EBF2: variants seen among roughly 807,000 people sequenced by gnomAD.
EBF2 encodes the protein EBF transcription factor 2.
Under a neutral mutation model 72.8 loss-of-function variants are expected in EBF2, and 21 were observed. The observed-to-expected ratio is 0.29, with a 90% confidence interval of 0.20 to 0.42. The LOEUF is 0.42. EBF2 is among the 10% of genes least tolerant of loss of function. The pLI is 1.00. For synonymous variants in EBF2, 299 were observed against 274.2 expected (o/e 1.09, Z -0.89); for missense variants, 637 against 731.2 (o/e 0.87, Z 1.49).
intron 6 of EBF2, among the ~76,000 whole-genome samples, chr8:25,987,063 A>G (rs1804473262): frequency 6.6e-6 from 1 of 152,096 alleles, no homozygotes; most frequent in South Asian, 2.1e-4. Context: ...AAAAAAACTG[A>G]TAATTTGCAT....
chr8:26,019,790 A>C (rs1805177478), intron 6 of EBF2, among the ~76,000 whole-genome samples: 1 of 152,034 alleles, frequency 6.6e-6, no homozygotes. Context: ...GCCATCTCCC[A>C]CCCCAAGAGG....
intron 6 of EBF2, among the ~76,000 whole-genome samples, chr8:25,925,470 G>C (rs1405771580): frequency 6.6e-6 from 1 of 151,902 alleles, no homozygotes; most frequent in Non-Finnish European, 1.5e-5. Flanking sequence ...CTTGCAGAGG[G>C]GGCTCCGAGG....
At chr8:25,995,541 A>G (rs1804611204) in intron 6 of EBF2, among the ~76,000 whole-genome samples, 1 of 152,178 alleles carries the variant, frequency 6.6e-6, no homozygotes, top group African/African-American at 2.4e-5. Context: ...TATGTATGCT[A>G]TTTAAAAGAA....
chr8:25,842,092 TACAC>T lies in EBF2; in HGVS notation c.*2513_*2516del, dbSNP rs1801753674. The T allele has an allele frequency of 6.6e-6, 1 of 152,194 alleles. No individual in the cohort carries two copies. The highest frequency in any genetic ancestry group is 2.4e-5 in the African/African-American group (1 of 41,462). The allele number at this position is 152,194 out of a possible 1,614,324, so 9.4% of individuals were successfully genotyped here. A position where few individuals can be genotyped will look rare whatever the true frequency, so the allele number is the denominator to read the frequency against. ...TTGTCCCTTTAAATGAAAAAAATCTTACACAGCTCCTCTTACAAACACAGGATAG... is the reference window on the plus strand; with the variant it reads ...TTGTCCCTTTAAATGAAAAAAATCTTAGCTCCTCTTACAAACACAGGATAG... On this transcript the variant is annotated 3_prime_UTR_variant, in exon 16 of 16. Transcript: ENST00000520164.
At chr8:25,885,696 C>A (rs1023556731) in intron 10 of EBF2, among the ~76,000 whole-genome samples, 1 of 152,088 alleles carries the variant, frequency 6.6e-6, no homozygotes, top group African/African-American at 2.4e-5. Flanking sequence ...ATAGTGGGTT[C>A]CCCTTCACTT....
chr8:26,005,279 T>A (rs1016828457), intron 6 of EBF2, among the ~76,000 whole-genome samples: 1 of 2,188 alleles, frequency 4.6e-4, no homozygotes, highest in Non-Finnish European at 1.1e-3. Flanking sequence ...ATATATATAA[T>A]TATATAATTA....
At chr8:26,040,254 C>A (rs1022540193) in intron 4 of EBF2, among the ~76,000 whole-genome samples, 153 bp from the exon 5 acceptor site, 2 of 152,120 alleles carry the variant, frequency 1.3e-5, no homozygotes, top group Non-Finnish European at 2.9e-5. Context: ...GCGCGGTTGC[C>A]GAGTTTGGAC....
intron 6 of EBF2, among the ~76,000 whole-genome samples, chr8:26,011,347 A>G (rs1563207859): frequency 6.6e-6 from 1 of 152,144 alleles, no homozygotes; most frequent in Non-Finnish European, 1.5e-5. Context: ...TTTTCCTTTC[A>G]TATTTTCTGT....
chr8:25,888,045 C>T, intron 8 of EBF2, 73 bp from the exon 9 acceptor site: 1 of 1,493,584 alleles, frequency 6.7e-7, no homozygotes. Flanking sequence ...CCCAGGCCCA[C>T]ATTGGAAGAA....
intron 6 of EBF2, among the ~76,000 whole-genome samples, chr8:25,912,732 G>T: frequency 6.6e-6 from 1 of 152,150 alleles, no homozygotes; most frequent in East Asian, 1.9e-4. Context: ...TTGGCCCCAA[G>T]GATCCCCCGA....
chr8:26,014,871 TG>T (rs1230763946), intron 6 of EBF2, among the ~76,000 whole-genome samples: 1 of 152,244 alleles, frequency 6.6e-6, no homozygotes, highest in Non-Finnish European at 1.5e-5. Flanking sequence ...TTGCCCTTAG[TG>T]GCTTCCCTAA....
intron 10 of EBF2, among the ~76,000 whole-genome samples, chr8:25,873,920 C>T (rs1802479029): frequency 6.6e-6 from 1 of 152,166 alleles, no homozygotes; most frequent in Non-Finnish European, 1.5e-5. Flanking sequence ...GCCCCCTATT[C>T]TGGGGCTAAC....
chr8:25,891,830 G>A (rs748444021), intron 7 of EBF2, among the ~76,000 whole-genome samples: 14 of 152,094 alleles, frequency 9.2e-5, no homozygotes, highest in Middle Eastern at 3.4e-3. Context: ...CACCTGCCTC[G>A]GCCGCCCAAA....
intron 10 of EBF2, among the ~76,000 whole-genome samples, chr8:25,863,044 A>G (rs1420992188): frequency 2.0e-5 from 3 of 147,292 alleles, no homozygotes; most frequent in African/African-American, 7.5e-5. Flanking sequence ...GTATACATAA[A>G]CTTCTCTGCT....
rs554985730 is a variant in EBF2, at chr8:26,003,843, A to C, written c.551+29242T>G. The stretch of plus-strand genomic sequence containing the variant: ...GACCATTATATCCTTCTCCTGAAAA[A>C]TCACCTCTCTGGCGAAGCACCAGGA... On this transcript the variant is annotated intron_variant, in intron 6 of 15. Coordinates refer to ENST00000520164, the MANE Select transcript of EBF2 (RefSeq NM_022659.4). Among the ~76,000 whole-genome samples the C allele has an allele frequency of 2.0e-5, 3 of 152,270 alleles. No individual in the cohort carries two copies. In the East Asian group the frequency reaches 5.8e-4, roughly 29 times the overall value.
At position 25,941,637 on chromosome 8, in the gene EBF2, C is replaced by T. The variant is rs77709131; in HGVS notation, c.552-33082G>A. Among the ~76,000 whole-genome samples, 4 of 152,184 alleles carry T rather than the reference C, an allele frequency of 2.6e-5. No homozygotes were observed. In the East Asian group the frequency reaches 7.7e-4, roughly 29 times the overall value. Reference sequence around the variant, plus strand: ...AACCATGACTCCTCCTCCATCTGAGCCCCTAGTCTGTGCCCTAAGCTACGG... The same window carrying T: ...AACCATGACTCCTCCTCCATCTGAGTCCCTAGTCTGTGCCCTAAGCTACGG... On this transcript the variant is annotated intron_variant, in intron 6 of 15. Transcript: ENST00000520164.
rs185341227 is a variant in EBF2, at chr8:25,842,341, G to T, written c.*2268C>A. The stretch of plus-strand genomic sequence containing the variant: ...CAAGATGTCTGGTATTTAGTTACAC[G>T]CATTTTTCGGTGTAAAGCTACCAAG... On this transcript the variant is annotated 3_prime_UTR_variant, in exon 16 of 16. Coordinates refer to ENST00000520164, the MANE Select transcript of EBF2 (RefSeq NM_022659.4). 1 of 152,086 alleles carries T rather than the reference G, an allele frequency of 6.6e-6. No homozygotes were observed. Among genetic ancestry groups the T allele is most frequent in the Non-Finnish European group, 1.5e-5 (1 of 68,012 alleles). The allele number at this position is 152,086 out of a possible 1,614,324, so 9.4% of individuals were successfully genotyped here.
At chr8:26,009,229 A>G (rs1442976830) in intron 6 of EBF2, among the ~76,000 whole-genome samples, 1 of 152,034 alleles carries the variant, frequency 6.6e-6, no homozygotes, top group African/African-American at 2.4e-5. Flanking sequence ...ATGGCTGAAC[A>G]TACTTTGCCT....
intron 7 of EBF2, among the ~76,000 whole-genome samples, chr8:25,892,998 G>A (rs1412982143): frequency 1.3e-5 from 2 of 152,078 alleles, no homozygotes; most frequent in Non-Finnish European, 2.9e-5. Flanking sequence ...ATCACTCCCC[G>A]TAAGTGCTCA....
Sources: gnomAD v4.1 joint callset for allele counts (sites outside exome capture counted in the v4.1 genomes callset) on GRCh38, gnomAD v4.1.1 for gene constraint, MANE v1.5 for transcripts, NCBI Gene and HGNC (gene_info 2026-07-23, HGNC 2026-07-21) for gene names.